Variants in MPPED2 observed in about 807,000 individuals in gnomAD.
The protein encoded by MPPED2 is metallophosphoesterase domain containing 2, also known as metallophosphoesterase MPPED2.
A neutral mutation model predicts 33.0 loss-of-function variants in MPPED2; 5 were observed. The observed-to-expected ratio is 0.15, with a 90% CI of 0.08 to 0.32. The LOEUF (loss-of-function observed/expected upper bound fraction) is 0.32, where lower values mean the gene tolerates loss of function less well. Among genes scored for constraint, MPPED2 ranks in the 10% least tolerant of loss-of-function variants. The pLI is 1.00. For missense variants in MPPED2, 275 were observed against 372.1 expected (o/e 0.74, Z 2.15); for synonymous variants, 136 against 141.9 (o/e 0.96, Z 0.29).
At chr11:30,539,825 G>C (rs1955003869) in intron 2 of MPPED2, among the ~76,000 whole-genome samples, 1 of 152,048 alleles carries the variant, frequency 6.6e-6, no homozygotes, top group Admixed American at 6.6e-5. Context: ...GTGAGGTCTT[G>C]TTATGTTTCC....
rs12417138 is a variant in MPPED2, at chr11:30,411,032, A to G, written c.*436T>C. 3.9e-3 allele frequency: 3,883 copies of G among 985,950 alleles called. 98 individuals carry two copies. The Admixed American group carries it at 0.079, about 20-fold the overall frequency. 61.1% of individuals were successfully genotyped at this position (985,950 alleles called of 1,614,324 possible). A position where few individuals can be genotyped will look rare whatever the true frequency, so the allele number is the denominator to read the frequency against. ...AAAAAGAAGCATTACCAAGAAAACAACAACAACAAAACATTGAAAATTAAA... is the reference window on the plus strand; with the variant it reads ...AAAAAGAAGCATTACCAAGAAAACAGCAACAACAAAACATTGAAAATTAAA... On this transcript the variant is annotated 3_prime_UTR_variant, in exon 7 of 7. Transcript: ENST00000358117.
intron 6 of MPPED2, among the ~76,000 whole-genome samples, chr11:30,400,761 C>CT (rs1947897865): frequency 2.9e-5 from 4 of 137,232 alleles, no homozygotes; most frequent in African/African-American, 5.5e-5. Context: ...TATCATCAAA[C>CT]ATTTTTTTTT....
intron 1 of MPPED2, among the ~76,000 whole-genome samples, chr11:30,585,155 A>G (rs909272156): frequency 6.6e-6 from 1 of 152,162 alleles, no homozygotes; most frequent in African/African-American, 2.4e-5. Context: ...TTACAAAGAT[A>G]ACCTTGTTAT....
At chr11:30,531,505 T>C (rs993347784) in intron 3 of MPPED2, among the ~76,000 whole-genome samples, 2 of 152,162 alleles carry the variant, frequency 1.3e-5, no homozygotes, top group African/African-American at 4.8e-5. Context: ...CTGCAGTTTT[T>C]AGAATATCCT....
At chr11:30,453,316 T>C (rs926360811) in intron 4 of MPPED2, among the ~76,000 whole-genome samples, 1 of 152,206 alleles carries the variant, frequency 6.6e-6, no homozygotes, top group East Asian at 1.9e-4. Flanking sequence ...CAGATGTGGA[T>C]GGGTTGCCTC....
chr11:30,454,275 G>C (rs1950185627), intron 4 of MPPED2, among the ~76,000 whole-genome samples: 1 of 152,070 alleles, frequency 6.6e-6, no homozygotes, highest in Non-Finnish European at 1.5e-5. Flanking sequence ...TTTACAATGG[G>C]TTTACTGGCG....
At chr11:30,403,256 A>G (rs1947938131) in intron 6 of MPPED2, among the ~76,000 whole-genome samples, 1 of 151,984 alleles carries the variant, frequency 6.6e-6, no homozygotes, top group Non-Finnish European at 1.5e-5. Flanking sequence ...CAAAAAAAAA[A>G]AAAAGAAAAG....
At chr11:30,441,945 C>T (rs935772700) in intron 4 of MPPED2, among the ~76,000 whole-genome samples, 5 of 152,160 alleles carry the variant, frequency 3.3e-5, no homozygotes, top group African/African-American at 1.2e-4. Flanking sequence ...GTCTTGTTTA[C>T]CACTGTATCC....
rs539842269 is a variant in MPPED2 at position 30,430,416 on chromosome 11, C to T, written c.537-12783G>A. 2.5e-3 allele frequency among the ~76,000 whole-genome samples: 385 copies of T among 152,242 alleles called. 3 individuals are homozygous for T. Among genetic ancestry groups the T allele is most frequent in the Non-Finnish European group, 3.8e-3 (256 of 68,018 alleles). ...TGTTTAAATGATTGCTTTCTGATAA[C>T]TGGGTCAAATAGAATATATCATTAA... On this transcript the variant is annotated intron_variant, in intron 4 of 6. Transcript: ENST00000358117.
intron 4 of MPPED2, among the ~76,000 whole-genome samples, chr11:30,455,160 T>C (rs898402245): frequency 1.3e-5 from 2 of 152,244 alleles, no homozygotes; most frequent in Non-Finnish European, 2.9e-5. Context: ...GTTTCCATGC[T>C]AGCAGTTTGA....
chr11:30,385,049 A>G, exon 7 of MPPED2: 1 of 152,160 alleles, frequency 6.6e-6, no homozygotes, highest in Non-Finnish European at 1.5e-5. Context: ...TTCCTTTCCT[A>G]CTAAGCAAGT....
intron 4 of MPPED2, among the ~76,000 whole-genome samples, chr11:30,493,383 A>AAG (rs557451516): frequency 0.021 from 3,217 of 152,074 alleles, 49 homozygotes; most frequent in Non-Finnish European, 0.033. Context: ...AAAAAAAAAA[A>AAG]AAAAGAAAAT....
intron 4 of MPPED2, among the ~76,000 whole-genome samples, chr11:30,439,728 A>G (rs1351768863): frequency 6.6e-6 from 1 of 152,236 alleles, no homozygotes; most frequent in Admixed American, 6.5e-5. Flanking sequence ...ACTTCCTCAG[A>G]TAATACTACA....
chr11:30,482,046 C>T (rs1195630632), intron 4 of MPPED2, among the ~76,000 whole-genome samples: 1 of 152,094 alleles, frequency 6.6e-6, no homozygotes, highest in East Asian at 1.9e-4. Flanking sequence ...GGGTTAATTT[C>T]CAATTACTCA....
At chr11:30,417,420 T>A (rs1386206694) in intron 5 of MPPED2, 98 bp downstream of exon 5, 3 of 608,666 alleles carry the variant, frequency 4.9e-6, no homozygotes, top group Non-Finnish European at 8.6e-6. Flanking sequence ...ACTTTTTTTT[T>A]TTTTTTGGAG....
intron 4 of MPPED2, among the ~76,000 whole-genome samples, chr11:30,417,916 T>A (rs1165166489): frequency 6.6e-6 from 1 of 152,148 alleles, no homozygotes; most frequent in African/African-American, 2.4e-5. Context: ...TGCTTTGTCT[T>A]CCCCTAAATC....
At chr11:30,385,017 C>G in exon 7 of MPPED2, 1 of 152,132 alleles carries the variant, frequency 6.6e-6, no homozygotes, top group Non-Finnish European at 1.5e-5. Context: ...AGTTTTATAA[C>G]ATAGGGGGTG....
intron 4 of MPPED2, among the ~76,000 whole-genome samples, chr11:30,431,486 T>TAA (rs916431556): frequency 1.3e-5 from 2 of 152,192 alleles, no homozygotes; most frequent in Non-Finnish European, 2.9e-5. Context: ...ATAATCCACA[T>TAA]AAAGCTCCTA....
At chr11:30,513,198 C>G (rs979878973) in intron 3 of MPPED2, among the ~76,000 whole-genome samples, 12 of 152,264 alleles carry the variant, frequency 7.9e-5, no homozygotes, top group African/African-American at 2.6e-4. Context: ...GCCTCCTGCC[C>G]TACTTTTATT....
Sources: allele counts gnomAD v4.1 joint callset (sites outside exome capture counted in the v4.1 genomes callset), GRCh38; gene constraint gnomAD v4.1.1; transcripts MANE v1.5; gene names NCBI Gene and HGNC (gene_info 2026-07-23, HGNC 2026-07-21).